TMEM201: variants seen among roughly 807,000 people sequenced by gnomAD.
The protein encoded by TMEM201 is transmembrane protein 201, also known as RP13-15M17.2.
In TMEM201, 26 loss-of-function variants were observed where a neutral mutation model predicts 63.4. The ratio of observed to expected loss-of-function variants is 0.41; its 90% CI spans 0.30 to 0.57. The LOEUF (loss-of-function observed/expected upper bound fraction) is 0.57, where lower values mean the gene tolerates loss of function less well. Among genes scored for constraint, TMEM201 ranks in the 20% least tolerant of loss-of-function variants. The pLI, the probability that TMEM201 is intolerant of heterozygous loss-of-function variation, is 0.29. For synonymous variants in TMEM201, 417 were observed against 421.6 expected (o/e 0.99, Z 0.14); for missense variants, 794 against 917.7 (o/e 0.87, Z 1.74).
intron 6 of TMEM201, chr1:9,602,729 G>T: frequency 2.0e-6 from 2 of 1,025,454 alleles, no homozygotes; most frequent in African/African-American, 1.7e-5. Context: ...GTGGCTACAG[G>T]CTGGGCCCCT....
chr1:9,612,350 C>A (rs1644336375), intron 10 of TMEM201, among the ~76,000 whole-genome samples: 1 of 152,190 alleles, frequency 6.6e-6, no homozygotes, highest in Non-Finnish European at 1.5e-5. Context: ...GCCGAGCTGC[C>A]TGGCTCAGAT....
At chr1:9,594,628 G>A (rs1201483045) in intron 1 of TMEM201, among the ~76,000 whole-genome samples, 2 of 152,194 alleles carry the variant, frequency 1.3e-5, no homozygotes, top group African/African-American at 2.4e-5. Context: ...GGGGAGGGCC[G>A]GGCAGCAGCA....
chr1:9,590,791 T>G (rs997131529), intron 1 of TMEM201, among the ~76,000 whole-genome samples: 3 of 152,044 alleles, frequency 2.0e-5, no homozygotes, highest in Non-Finnish European at 4.4e-5. Flanking sequence ...CTGGAGGTCA[T>G]AAATTGGCCA....
At position 9,604,065 on chromosome 1, in the gene TMEM201, C is replaced by T. The variant is rs563803523; in HGVS notation, c.1160+1793C>T. On this transcript the variant is annotated intron_variant, in intron 6 of 10. Transcript: ENST00000340381. This position sits in a 1 kb window ranked among gnomAD's most constrained non-coding sequence, Gnocchi z 4.1. Reference sequence around the variant, plus strand: ...GCCACCCCCCAGCCCACAAAGAGCCCATCTGAGAGAAGGACGTGGTGGAGC... The same window carrying T: ...GCCACCCCCCAGCCCACAAAGAGCCTATCTGAGAGAAGGACGTGGTGGAGC... The T allele has an allele frequency of 2.0e-6, 2 of 985,456 alleles. No homozygotes were observed. The highest frequency in any genetic ancestry group is 4.7e-5 in the South Asian group (1 of 21,286). The allele number at this position is 985,456 out of a possible 1,614,324, so 61.0% of individuals were successfully genotyped here.
Position 9,605,053 on chromosome 1 carries a change from C to T in TMEM201, c.1161-2504C>T. 4 of 981,626 alleles carry T rather than the reference C, an allele frequency of 4.1e-6. No homozygotes were observed. Among genetic ancestry groups the T allele is most frequent in the East Asian group, 1.1e-4 (1 of 8,794 alleles). 60.8% of individuals were successfully genotyped at this position (981,626 alleles called of 1,614,324 possible). On this transcript the variant is annotated intron_variant, in intron 6 of 10. Coordinates refer to ENST00000340381, the MANE Select transcript of TMEM201 (RefSeq NM_001130924.3). This position sits in a 1 kb window ranked among gnomAD's most constrained non-coding sequence, Gnocchi z 5.7. ...GCTGTGTTTGGGGTACAGACACGTCCACAGGAGTCAGGTTTGGGAGCCAGT... is the reference window on the plus strand; with the variant it reads ...GCTGTGTTTGGGGTACAGACACGTCTACAGGAGTCAGGTTTGGGAGCCAGT...
At chr1:9,589,281 G>A (rs1307563399) in intron 1 of TMEM201, among the ~76,000 whole-genome samples, 1 of 151,744 alleles carries the variant, frequency 6.6e-6, no homozygotes, top group Non-Finnish European at 1.5e-5. Flanking sequence ...AGAGCGCCGC[G>A]CGGGGGCCAC....
At position 9,609,905 on chromosome 1, in the gene TMEM201, G is replaced by A. The variant is rs1348051084; in HGVS notation, c.1459G>A (p.Val487Ile). ...GGTGTCTCGATCTGGGGAGTTTCCT[G>A]TTTCAGGTGAGGAAGACAGAGAGCT... The part of the protein sequence containing the change: ...SQVSRSGEFP[V>I]SDYFSLLSGS... The change falls in exon 8 of 11, where the codon GTT (valine) becomes ATT (isoleucine). Residue 487 changes from valine to isoleucine, a missense_variant. Val to Ile is a conservative substitution (Grantham distance 29). Coordinates refer to ENST00000340381, the MANE Select transcript of TMEM201 (RefSeq NM_001130924.3). 1 of 1,551,338 alleles carries A rather than the reference G, an allele frequency of 6.4e-7. No individual in the cohort carries two copies. The highest frequency in any genetic ancestry group is 8.7e-7 in the Non-Finnish European group (1 of 1,146,946).
chr1:9,597,043 C>G lies in TMEM201; in HGVS notation c.419C>G (p.Pro140Arg). The change falls in exon 3 of 11, where the codon CCC (proline) becomes CGC (arginine). Residue 140 changes from proline (P) to arginine (R), a missense_variant. Coordinates refer to ENST00000340381, the MANE Select transcript of TMEM201 (RefSeq NM_001130924.3). ...TKIKQLAAFA[P>R]REEGRYDEEV... The stretch of plus-strand genomic sequence containing the variant: ...ATCAAGCAGCTGGCCGCCTTCGCTC[C>G]CCGCGAGGAGGTGAGGCCGGGTTGG... The G allele has an allele frequency of 1.2e-6, 2 of 1,603,802 alleles. No individual in the cohort carries two copies.
At chr1:9,594,346 G>A (rs1010255765) in intron 1 of TMEM201, among the ~76,000 whole-genome samples, 2 of 152,226 alleles carry the variant, frequency 1.3e-5, no homozygotes, top group Non-Finnish European at 1.5e-5. Context: ...GGGGGTGTGG[G>A]GTGAGAAGGG....
rs1378204165 is a variant in TMEM201 at position 9,614,423 on chromosome 1, C to G, written c.*1340C>G. 6.6e-6 allele frequency: 1 copy of G among 151,566 alleles called. No homozygotes were observed. The highest frequency in any genetic ancestry group is 1.9e-4 in the East Asian group (1 of 5,148). The allele number at this position is 151,566 out of a possible 1,614,324, so 9.4% of individuals were successfully genotyped here. A position where few individuals can be genotyped will look rare whatever the true frequency, so the allele number is the denominator to read the frequency against. On this transcript the variant is annotated 3_prime_UTR_variant, in exon 11 of 11. Coordinates refer to ENST00000340381, the MANE Select transcript of TMEM201 (RefSeq NM_001130924.3). ...TTTTAATGTGGGGAAGGAGCTTGCT[C>G]TGACGTCACCCTCCTCTCCCCTGAC...
intron 10 of TMEM201, among the ~76,000 whole-genome samples, chr1:9,612,094 C>T (rs955962614): frequency 6.6e-6 from 1 of 152,192 alleles, no homozygotes; most frequent in Non-Finnish European, 1.5e-5. Context: ...ATTTGGGCCC[C>T]GATCTGCACT....
Position 9,604,009 on chromosome 1 carries a change from G to A in TMEM201, c.1160+1737G>A. 1.0e-6 allele frequency: 1 copy of A among 985,482 alleles called. No individual in the cohort carries two copies. Among genetic ancestry groups the A allele is most frequent in the Non-Finnish European group, 1.2e-6 (1 of 829,970 alleles). The allele number at this position is 985,482 out of a possible 1,614,324, so 61.0% of individuals were successfully genotyped here. A position where few individuals can be genotyped will look rare whatever the true frequency, so the allele number is the denominator to read the frequency against. ...GCGGCCCCCCATGGTGTCTACCTGA[G>A]GGGCAGGGAACCGCCTGCCTGTGCA... On this transcript the variant is annotated intron_variant, in intron 6 of 10. Coordinates refer to ENST00000340381, the MANE Select transcript of TMEM201 (RefSeq NM_001130924.3). The surrounding 1 kb of genome is among the most constrained non-coding windows in gnomAD (Gnocchi z 4.1).
In TMEM201 at chr1:9,610,776, C is replaced by T. The variant is rs4926472; in HGVS notation, c.1736C>T (p.Pro579Leu). 0.79 allele frequency: 1,214,505 copies of T among 1,545,946 alleles called. 480,675 individuals are homozygous for T. Among genetic ancestry groups the T allele is most frequent in the Non-Finnish European group, 0.81 (926,980 of 1,143,668 alleles). The change falls in exon 9 of 11, where the codon CCG becomes CTG. Residue 579 changes from proline to leucine, a missense_variant. Pro to Leu is a moderately conservative substitution (Grantham distance 98, BLOSUM62 -3). Coordinates refer to ENST00000340381, the MANE Select transcript of TMEM201 (RefSeq NM_001130924.3). This position sits in a 1 kb window ranked among gnomAD's most constrained non-coding sequence, Gnocchi z 4.9. ...GAGCCGCCCCATGTTCCCCGGAAGC[C>T]GCCCCTGCAGGACGTGAAGCACGCC... The part of the protein sequence containing the change: ...TMEPPHVPRK[P>L]PLQDVKHALD...
intron 4 of TMEM201, among the ~76,000 whole-genome samples, 181 bp downstream of exon 4, chr1:9,598,806 C>T (rs929100759): frequency 2.0e-5 from 3 of 150,034 alleles, no homozygotes; most frequent in South Asian, 2.1e-4. Flanking sequence ...CACGCCACCA[C>T]GCCTGGCTAA....
chr1:9,599,936 G>C (rs1337296047), intron 4 of TMEM201, among the ~76,000 whole-genome samples: 2 of 152,340 alleles, frequency 1.3e-5, no homozygotes, highest in African/African-American at 4.8e-5. Context: ...TAAATGGACA[G>C]ATAACTGTGG....
rs1045046691 is a variant in TMEM201 at position 9,610,967 on chromosome 1, T to G, written c.1765+162T>G. 1 of 1,526,206 alleles carries G rather than the reference T, an allele frequency of 6.6e-7. No individual in the cohort carries two copies. Among genetic ancestry groups the G allele is most frequent in the African/African-American group, 1.4e-5 (1 of 72,886 alleles). 94.5% of individuals were successfully genotyped at this position (1,526,206 alleles called of 1,614,324 possible). The stretch of plus-strand genomic sequence containing the variant: ...ATTCCGGCTCTGGTGACTTGAACCC[T>G]CTGGGACATTGACCTCTAATGGCTG... On this transcript the variant is annotated intron_variant, in intron 9 of 10. Transcript: ENST00000340381. This position sits in a 1 kb window ranked among gnomAD's most constrained non-coding sequence, Gnocchi z 4.9.
intron 1 of TMEM201, among the ~76,000 whole-genome samples, chr1:9,589,525 G>A (rs1643885688): frequency 6.6e-6 from 1 of 152,274 alleles, no homozygotes; most frequent in Non-Finnish European, 1.5e-5. Context: ...GTAACTTGCT[G>A]TTAATGAGAG....
rs1365722088 is a variant in TMEM201, at chr1:9,604,748, G to A, written c.1160+2476G>A. 5.1e-5 allele frequency: 50 copies of A among 985,834 alleles called. No individual in the cohort carries two copies. The highest frequency in any genetic ancestry group is 1.1e-4 in the East Asian group (1 of 8,826). 61.1% of individuals were successfully genotyped at this position (985,834 alleles called of 1,614,324 possible). A position where few individuals can be genotyped will look rare whatever the true frequency, so the allele number is the denominator to read the frequency against. On this transcript the variant is annotated intron_variant, in intron 6 of 10. Transcript: ENST00000340381. The surrounding 1 kb of genome is among the most constrained non-coding windows in gnomAD (Gnocchi z 4.1). ...CAAACCGCCAGGACGCAGCCTCCAC[G>A]CCGCACCTGCCACATTCAGCCCTGC...
Position 9,589,047 on chromosome 1 carries a change from A to T in TMEM201, c.113+4A>T, listed in dbSNP as rs1643876022. ...TGCTCTACCGGATCGCGCGGAGGTGAGTGCATGGTTCGGCCCCACGCGGCC... is the reference window on the plus strand; with the variant it reads ...TGCTCTACCGGATCGCGCGGAGGTGTGTGCATGGTTCGGCCCCACGCGGCC... On this transcript the variant is annotated splice_donor_region_variant and intron_variant, in intron 1 of 10. Transcript: ENST00000340381. 9.2e-7 allele frequency: 1 copy of T among 1,091,142 alleles called. No homozygotes were observed. Among genetic ancestry groups the T allele is most frequent in the Non-Finnish European group, 1.1e-6 (1 of 897,018 alleles). 67.6% of individuals were successfully genotyped at this position (1,091,142 alleles called of 1,614,324 possible).
Sources: allele counts gnomAD v4.1 joint callset (sites outside exome capture counted in the v4.1 genomes callset), GRCh38; gene constraint gnomAD v4.1.1; non-coding constraint Gnocchi (gnomAD v3.1); transcripts MANE v1.5; gene names NCBI Gene and HGNC (gene_info 2026-07-23, HGNC 2026-07-21).